The following GALNT17 variants were observed in gnomAD, a reference collection of about 807,000 sequenced individuals.
The protein encoded by GALNT17 is polypeptide N-acetylgalactosaminyltransferase 17.
In GALNT17, 29 loss-of-function variants were observed where a neutral mutation model predicts 63.7. The ratio of observed to expected loss-of-function variants is 0.46; its 90% CI spans 0.34 to 0.62. The LOEUF (loss-of-function observed/expected upper bound fraction) is 0.62. Ranked by LOEUF, GALNT17 falls within the 20% of genes least tolerant of loss-of-function variation. GALNT17 has a pLI of 0.01. For missense variants in GALNT17, 603 were observed against 799.6 expected (o/e 0.75, Z 2.97); for synonymous variants, 305 against 318.3 (o/e 0.96, Z 0.45).
At chr7:71,589,517 A>G (rs996096830) in intron 6 of GALNT17, among the ~76,000 whole-genome samples, 8 of 151,960 alleles carry the variant, frequency 5.3e-5, no homozygotes, top group African/African-American at 1.9e-4. Context: ...AGCTGCAGTG[A>G]GCTATAATCA....
Position 71,665,407 on chromosome 7 carries a change from C to T in GALNT17, c.1081-4C>T. 1 of 1,602,238 alleles carries T rather than the reference C, an allele frequency of 6.2e-7. No individual in the cohort carries two copies. Among genetic ancestry groups the T allele is most frequent in the Non-Finnish European group, 8.5e-7 (1 of 1,176,624 alleles). ...TCAGGCTGATGAAATCTTTGTACCC[C>T]TAGGTATGGCTCTGTGGGGGCAGCA... On this transcript the variant is annotated splice_region_variant and splice_polypyrimidine_tract_variant and intron_variant, in intron 6 of 10. Transcript: ENST00000333538.
chr7:71,693,305 C>CATATATATATATATATATATATATAT (rs1375479092), intron 9 of GALNT17, among the ~76,000 whole-genome samples: 7 of 126,074 alleles, frequency 5.6e-5, no homozygotes, highest in East Asian at 9.8e-4. Flanking sequence ...CACACACACA[C>CATATATATATATATATATATATATAT]ACACATATAT....
Position 71,421,022 on chromosome 7 carries a change from C to T in GALNT17, c.879C>T (p.His293=), listed in dbSNP as rs772948920. The change falls in exon 5 of 11, where the codon CAC becomes CAT. Residue 293 remains histidine, a synonymous_variant. Coordinates refer to ENST00000333538, the MANE Select transcript of GALNT17 (RefSeq NM_022479.3). Reference sequence around the variant, plus strand: ...TGCAGCGGTACGAGAACTCGGCCCACGGGTACAGCTGGGAGCTGTGGTGCA... The same window carrying T: ...TGCAGCGGTACGAGAACTCGGCCCATGGGTACAGCTGGGAGCTGTGGTGCA... ...FEVQRYENSA[H]GYSWELWCMY... is the part of the protein sequence containing the mutation. The T allele has an allele frequency of 6.2e-6, 10 of 1,614,156 alleles. No homozygotes were observed. The highest frequency in any genetic ancestry group is 4.4e-5 in the South Asian group (4 of 91,076).
intron 9 of GALNT17, among the ~76,000 whole-genome samples, chr7:71,689,508 G>A (rs1038710759): frequency 2.6e-5 from 4 of 152,124 alleles, no homozygotes; most frequent in Non-Finnish European, 5.9e-5. Flanking sequence ...CCAGAACAAG[G>A]GCCTAGTTCT....
rs77229083 is a variant in GALNT17 at position 71,570,460 on chromosome 7, T to C, written c.963-825T>C. Among the ~76,000 whole-genome samples, 995 of 152,252 alleles carry C rather than the reference T, an allele frequency of 6.5e-3. 4 individuals carry two copies. The highest frequency in any genetic ancestry group is 0.011 in the Non-Finnish European group (730 of 68,004). ...TCTCTCCAGTTTCCCATTGCACTCC[T>C]AACTTGCTCATTCTCTTTTTCCTGG... On this transcript the variant is annotated intron_variant, in intron 5 of 10. Coordinates refer to ENST00000333538, the MANE Select transcript of GALNT17 (RefSeq NM_022479.3).
At chr7:71,542,573 G>T (rs866431234) in intron 5 of GALNT17, among the ~76,000 whole-genome samples, 1 of 151,902 alleles carries the variant, frequency 6.6e-6, no homozygotes, top group African/African-American at 2.4e-5. Flanking sequence ...GCACGTGCCT[G>T]TAGTCCCAGC....
chr7:71,316,430 T>C (rs1416420426), intron 1 of GALNT17, among the ~76,000 whole-genome samples: 1 of 152,142 alleles, frequency 6.6e-6, no homozygotes, highest in African/African-American at 2.4e-5. Context: ...TTAACCAGCA[T>C]AGTATTGATC....
intron 5 of GALNT17, among the ~76,000 whole-genome samples, chr7:71,449,284 G>A (rs1460588382): frequency 6.6e-6 from 1 of 151,590 alleles, no homozygotes; most frequent in Non-Finnish European, 1.5e-5. Flanking sequence ...GCTAATTTTT[G>A]TACTTTTAGT....
At chr7:71,362,010 A>AC (rs1166140134) in intron 2 of GALNT17, among the ~76,000 whole-genome samples, 1 of 152,026 alleles carries the variant, frequency 6.6e-6, no homozygotes, top group Non-Finnish European at 1.5e-5. Context: ...AGGCTGGGGT[A>AC]CAGTGGTGCA....
intron 9 of GALNT17, among the ~76,000 whole-genome samples, chr7:71,684,420 C>T (rs1791319899): frequency 6.6e-6 from 1 of 152,222 alleles, no homozygotes. Flanking sequence ...TCTGCATCTG[C>T]TCTCTCAGGT....
In GALNT17 at chr7:71,390,655, C is replaced by T. The variant is rs141075342; in HGVS notation, c.589+2254C>T. Among the ~76,000 whole-genome samples the T allele has an allele frequency of 4.3e-3, 648 of 152,284 alleles. 4 individuals carry two copies. Among genetic ancestry groups the T allele is most frequent in the African/African-American group, 0.014 (585 of 41,552 alleles). ...CCACAGACCTCTTGCTCCAGCAGTC[C>T]TTCCACACACCCCTGCATATTTTCC... On this transcript the variant is annotated intron_variant, in intron 3 of 10. Coordinates refer to ENST00000333538, the MANE Select transcript of GALNT17 (RefSeq NM_022479.3).
chr7:71,573,329 T>TTAATTA (rs1789482805), intron 6 of GALNT17, among the ~76,000 whole-genome samples: 3 of 150,410 alleles, frequency 2.0e-5, no homozygotes, highest in African/African-American at 7.3e-5. Flanking sequence ...TTAATTAATT[T>TTAATTA]ATTTATTTAT....
At chr7:71,319,845 T>A (rs1004914456) in intron 1 of GALNT17, among the ~76,000 whole-genome samples, 1 of 152,228 alleles carries the variant, frequency 6.6e-6, no homozygotes, top group Non-Finnish European at 1.5e-5. Context: ...GGTTTTCAGC[T>A]GGGCTTGGTT....
At chr7:71,682,330 C>G (rs1180653213) in intron 9 of GALNT17, among the ~76,000 whole-genome samples, 3 of 61,260 alleles carry the variant, frequency 4.9e-5, no homozygotes, top group Admixed American at 4.7e-4. Context: ...TGGCCCCCCA[C>G]CCTCCCCAGC....
intron 7 of GALNT17, among the ~76,000 whole-genome samples, chr7:71,667,361 C>T (rs1053407375): frequency 3.9e-5 from 6 of 152,186 alleles, no homozygotes; most frequent in Admixed American, 3.9e-4. Flanking sequence ...GTGCTTTTAG[C>T]CATTATTACT....
At chr7:71,669,899 T>C in intron 7 of GALNT17, 73 bp from the exon 8 acceptor site, 4 of 1,567,494 alleles carry the variant, frequency 2.6e-6, no homozygotes, top group Non-Finnish European at 3.5e-6. Flanking sequence ...TCCCTGAAAG[T>C]GACTCCACCT....
rs916775391 is a variant in GALNT17 at position 71,226,369 on chromosome 7, C to T, written c.238+93329C>T. 2.4e-4 allele frequency among the ~76,000 whole-genome samples: 36 copies of T among 152,164 alleles called. 2 individuals carry two copies. The highest frequency in any genetic ancestry group is 7.3e-5 in the Non-Finnish European group (5 of 68,030). ...GACAGGGCTTCTGTTTGGAGAGCAG[C>T]AGAGCAAAGTTGAACATCAAAAGCC... is the stretch of plus-strand genomic sequence containing the variant. On this transcript the variant is annotated intron_variant, in intron 1 of 10. Transcript: ENST00000333538.
Position 71,162,658 on chromosome 7 carries a change from T to A in GALNT17, c.238+29618T>A, listed in dbSNP as rs111394053. Among the ~76,000 whole-genome samples, 1,023 of 152,336 alleles carry A rather than the reference T, an allele frequency of 6.7e-3. 13 individuals carry two copies. Among genetic ancestry groups the A allele is most frequent in the African/African-American group, 0.023 (970 of 41,574 alleles). On this transcript the variant is annotated intron_variant, in intron 1 of 10. Coordinates refer to ENST00000333538, the MANE Select transcript of GALNT17 (RefSeq NM_022479.3). ...TCCATTCATCCATGGATACCCATCCTGTGGATGCTTACTGAACACCCAGTA... is the reference window on the plus strand; with the variant it reads ...TCCATTCATCCATGGATACCCATCCAGTGGATGCTTACTGAACACCCAGTA...
intron 1 of GALNT17, among the ~76,000 whole-genome samples, chr7:71,177,604 G>A (rs374142512): frequency 6.6e-6 from 1 of 152,114 alleles, no homozygotes; most frequent in Non-Finnish European, 1.5e-5. Flanking sequence ...ATGTTAGGTA[G>A]AGTTGGACAT....
Sources: allele counts gnomAD v4.1 joint callset (sites outside exome capture counted in the v4.1 genomes callset), GRCh38; gene constraint gnomAD v4.1.1; transcripts MANE v1.5; gene names NCBI Gene and HGNC (gene_info 2026-07-23, HGNC 2026-07-21).